The following GAS7 variants were observed in gnomAD, a reference collection of about 807,000 sequenced individuals.
The protein encoded by GAS7 is growth arrest-specific protein 7.
In GAS7, 28 loss-of-function variants were observed where a neutral mutation model predicts 71.1. That is an observed-to-expected ratio of 0.39 (90% CI 0.29 to 0.54). The LOEUF (loss-of-function observed/expected upper bound fraction) is 0.54. GAS7 is among the 20% of genes least tolerant of loss of function. GAS7 has a pLI of 0.62. For missense variants in GAS7, 436 were observed against 627.8 expected (o/e 0.69, Z 3.27); for synonymous variants, 258 against 245.8 (o/e 1.05, Z -0.46).
chr17:9,969,077 G>A lies in GAS7; in HGVS notation c.471+600C>T, dbSNP rs2069843343. Among the ~76,000 whole-genome samples the A allele has an allele frequency of 6.6e-6, 1 of 152,178 alleles. No homozygotes were observed. The highest frequency in any genetic ancestry group is 1.5e-5 in the Non-Finnish European group (1 of 68,036). On this transcript the variant is annotated intron_variant, in intron 4 of 13. Coordinates refer to ENST00000432992, the MANE Select transcript of GAS7 (RefSeq NM_201433.2). The surrounding 1 kb of genome is among the most constrained non-coding windows in gnomAD (Gnocchi z 5.5). ...AACCACTGAGTAATCCTGTGAGCCT[G>A]CACAGGTCACAAAACCAGTTGGAGC...
At chr17:10,191,343 G>GTGAATCACAAAGTC in intron 1 of GAS7, among the ~76,000 whole-genome samples, 1 of 152,038 alleles carries the variant, frequency 6.6e-6, no homozygotes, top group Admixed American at 6.6e-5. Flanking sequence ...GCCAAGGTGG[G>GTGAATCACAAAGTC]AGGATCACTT....
intron 3 of GAS7, among the ~76,000 whole-genome samples, chr17:9,970,851 C>T (rs2069932224): frequency 6.6e-6 from 1 of 152,170 alleles, no homozygotes; most frequent in Non-Finnish European, 1.5e-5. Context: ...AACGCCGCTA[C>T]ACGCACGCTC....
chr17:10,167,156 CA>C (rs1253298517), intron 1 of GAS7, among the ~76,000 whole-genome samples: 1 of 142,198 alleles, frequency 7.0e-6, no homozygotes, highest in African/African-American at 2.6e-5. Context: ...CGCCTGGGTT[CA>C]AGCGATCCTC....
At chr17:9,973,349 G>T (rs547801540) in intron 3 of GAS7, among the ~76,000 whole-genome samples, 29 of 152,076 alleles carry the variant, frequency 1.9e-4, no homozygotes, top group Admixed American at 9.2e-4. Flanking sequence ...CGCCTCCCGG[G>T]TTCAAGTGAT....
intron 1 of GAS7, among the ~76,000 whole-genome samples, chr17:10,025,294 T>A (rs1057164508): frequency 6.6e-6 from 1 of 151,826 alleles, no homozygotes; most frequent in African/African-American, 2.4e-5. Flanking sequence ...GAGACTTCTA[T>A]CCAGTTACCT....
chr17:9,977,679 C>T (rs1567847016), intron 3 of GAS7, among the ~76,000 whole-genome samples: 1 of 151,570 alleles, frequency 6.6e-6, no homozygotes, highest in East Asian at 1.9e-4. Flanking sequence ...AGGCAAAGTC[C>T]CCAGCCCAGG....
intron 1 of GAS7, among the ~76,000 whole-genome samples, chr17:10,099,166 C>T (rs1375416220): frequency 6.6e-6 from 1 of 152,116 alleles, no homozygotes. Flanking sequence ...AGTAATAAGC[C>T]TGTGAGTCAT....
chr17:9,965,370 C>G (rs2069664070), intron 4 of GAS7, among the ~76,000 whole-genome samples: 1 of 152,146 alleles, frequency 6.6e-6, no homozygotes, highest in Non-Finnish European at 1.5e-5. Flanking sequence ...TTTGTAGGGA[C>G]ATGGATGAAG....
chr17:9,938,720 C>A (rs2068490259), intron 8 of GAS7, among the ~76,000 whole-genome samples: 1 of 152,076 alleles, frequency 6.6e-6, no homozygotes, highest in South Asian at 2.1e-4. Flanking sequence ...GCAGCCCAAG[C>A]AGATGAATAC....
intron 1 of GAS7, among the ~76,000 whole-genome samples, chr17:10,105,990 C>T (rs1397545213): frequency 6.6e-6 from 1 of 152,168 alleles, no homozygotes; most frequent in Non-Finnish European, 1.5e-5. Flanking sequence ...ATTATCCCTG[C>T]CACCACCCAG....
At chr17:10,148,949 G>A (rs1193311390) in intron 1 of GAS7, among the ~76,000 whole-genome samples, 5 of 148,794 alleles carry the variant, frequency 3.4e-5, no homozygotes, top group Non-Finnish European at 7.4e-5. Flanking sequence ...GAACAGAACG[G>A]TATCAGGTCA....
intron 1 of GAS7, among the ~76,000 whole-genome samples, chr17:10,101,433 T>C (rs1027353403): frequency 1.3e-5 from 2 of 152,246 alleles, no homozygotes; most frequent in Admixed American, 6.5e-5. Flanking sequence ...CATTCTGTCA[T>C]ATCTATTGTT....
Position 10,168,785 on chromosome 17 carries a change from A to G in GAS7, c.183+29423T>C, listed in dbSNP as rs1027903873. On this transcript the variant is annotated intron_variant, in intron 1 of 13. Transcript: ENST00000432992. ...CAGGAGTTTGAGACCAGCCTGGCCAACATGGTGAAACACCATCTCTACTAA... is the reference window on the plus strand; with the variant it reads ...CAGGAGTTTGAGACCAGCCTGGCCAGCATGGTGAAACACCATCTCTACTAA... Among the ~76,000 whole-genome samples the G allele has an allele frequency of 2.6e-5, 4 of 151,972 alleles. No individual in the cohort carries two copies. In the East Asian group the frequency reaches 7.7e-4, roughly 29 times the overall value.
chr17:9,985,083 C>T (rs999871520), intron 2 of GAS7, among the ~76,000 whole-genome samples: 1 of 152,164 alleles, frequency 6.6e-6, no homozygotes, highest in African/African-American at 2.4e-5. Context: ...CAGCTCCACC[C>T]TATGTCCCAT....
rs543240809 is a variant in GAS7, at chr17:10,089,961, A to G, written c.184-70064T>C. On this transcript the variant is annotated intron_variant, in intron 1 of 13. Transcript: ENST00000432992. ...GGCAGGTAGGTCACTTGAGGCCGGG[A>G]GTTCGAGACCAGCCCGGCCAACATG... Among the ~76,000 whole-genome samples, 6 of 152,272 alleles carry G rather than the reference A, an allele frequency of 3.9e-5. No homozygotes were observed. In the East Asian group the frequency reaches 1.2e-3, roughly 29 times the overall value.
chr17:10,024,075 G>C (rs1190537405), intron 1 of GAS7, among the ~76,000 whole-genome samples: 3 of 152,242 alleles, frequency 2.0e-5, no homozygotes, highest in African/African-American at 7.2e-5. Flanking sequence ...CGTGAGCCAA[G>C]ACTGCGCCAT....
In GAS7 at chr17:10,128,874, C is replaced by T. The variant is rs572267605; in HGVS notation, c.183+69334G>A. Among the ~76,000 whole-genome samples, 17 of 152,280 alleles carry T rather than the reference C, an allele frequency of 1.1e-4. No individual in the cohort carries two copies. The South Asian group carries it at 2.9e-3, about 26-fold the overall frequency. On this transcript the variant is annotated intron_variant, in intron 1 of 13. Transcript: ENST00000432992. ...GACCTCCCTCGTGATCTGCCCACCT[C>T]GGCCTCCCAAAGTGCTGGGATTACA...
intron 1 of GAS7, among the ~76,000 whole-genome samples, chr17:10,197,665 G>A (rs945696123): frequency 6.6e-6 from 1 of 152,074 alleles, no homozygotes; most frequent in African/African-American, 2.4e-5. Flanking sequence ...AGCCTGCTGA[G>A]GGGGCTCGGG....
intron 1 of GAS7, among the ~76,000 whole-genome samples, chr17:10,127,053 G>A (rs1439241912): frequency 6.6e-6 from 1 of 152,192 alleles, no homozygotes; most frequent in East Asian, 1.9e-4. Context: ...ACCTTACATT[G>A]TTTGTTGTTG....
Sources: gnomAD v4.1 joint callset for allele counts (sites outside exome capture counted in the v4.1 genomes callset) on GRCh38, gnomAD v4.1.1 for gene constraint, Gnocchi (gnomAD v3.1) non-coding constraint, MANE v1.5 for transcripts, NCBI Gene and HGNC (gene_info 2026-07-23, HGNC 2026-07-21) for gene names.